ENPP6: variants seen among roughly 807,000 people sequenced by gnomAD.
The protein encoded by ENPP6 is ectonucleotide pyrophosphatase/phosphodiesterase 6, also known as glycerophosphocholine cholinephosphodiesterase ENPP6.
In ENPP6, 32 loss-of-function variants were observed where a neutral mutation model predicts 42.0. That is an observed-to-expected ratio of 0.76 (90% confidence interval 0.58 to 1.02). The LOEUF is 1.02. Among genes scored for constraint, ENPP6 ranks in the 50% least tolerant of loss-of-function variants. The pLI, the probability that ENPP6 is intolerant of heterozygous loss-of-function variation, is 0.00. For synonymous variants in ENPP6, 213 were observed against 216.0 expected (o/e 0.99, Z 0.12); for missense variants, 552 against 566.8 (o/e 0.97, Z 0.27).
At chr4:184,112,839 G>A (rs1378989539) in intron 5 of ENPP6, 30 bp from the exon 6 acceptor site, 7 of 1,604,576 alleles carry the variant, frequency 4.4e-6, no homozygotes, top group Non-Finnish European at 6.0e-6. Flanking sequence ...TGATCAGTTT[G>A]ACACTCTCTT....
chr4:184,102,625 G>T (rs1483983674), intron 6 of ENPP6, among the ~76,000 whole-genome samples: 1 of 152,234 alleles, frequency 6.6e-6, no homozygotes, highest in Non-Finnish European at 1.5e-5. Flanking sequence ...TGGCTGGAGG[G>T]TTGAAATCTG....
chr4:184,198,856 C>T (rs978892261), intron 1 of ENPP6, among the ~76,000 whole-genome samples: 9 of 152,188 alleles, frequency 5.9e-5, no homozygotes, highest in Non-Finnish European at 1.0e-4. Flanking sequence ...TCTTGTCTCT[C>T]ATCTGTCCAG....
At chr4:184,210,205 CATA>C (rs1733085236) in intron 1 of ENPP6, among the ~76,000 whole-genome samples, 1 of 148,924 alleles carries the variant, frequency 6.7e-6, no homozygotes, top group Non-Finnish European at 1.5e-5. Context: ...CAGCTAACAT[CATA>C]ATGACAGGAT....
intron 2 of ENPP6, among the ~76,000 whole-genome samples, chr4:184,131,463 C>T (rs1736632085): frequency 1.3e-5 from 2 of 151,142 alleles, no homozygotes; most frequent in African/African-American, 2.4e-5. Context: ...AGCGATTCTC[C>T]TGCCTTAGCC....
chr4:184,108,338 C>A (rs911695112), intron 6 of ENPP6, among the ~76,000 whole-genome samples: 1 of 152,232 alleles, frequency 6.6e-6, no homozygotes, highest in Non-Finnish European at 1.5e-5. Context: ...AACGTCATCG[C>A]ATGCACTGTG....
chr4:184,114,592 G>A (rs575342361), intron 5 of ENPP6, among the ~76,000 whole-genome samples: 17 of 152,156 alleles, frequency 1.1e-4, no homozygotes, highest in Non-Finnish European at 1.5e-4. Context: ...ACAAACTGTC[G>A]CCCAAACATG....
At chr4:184,126,633 G>A (rs1736507290) in intron 2 of ENPP6, among the ~76,000 whole-genome samples, 1 of 152,182 alleles carries the variant, frequency 6.6e-6, no homozygotes, top group African/African-American at 2.4e-5. Context: ...GCAGAAAGCT[G>A]TAGACAATGC....
At chr4:184,190,214 A>G (rs941563035) in intron 1 of ENPP6, among the ~76,000 whole-genome samples, 45 of 152,366 alleles carry the variant, frequency 3.0e-4, no homozygotes, top group Admixed American at 2.9e-3. Flanking sequence ...TGTTTAAACC[A>G]CCAGAGTACT....
chr4:184,113,939 CT>C (rs1289587224), intron 5 of ENPP6, among the ~76,000 whole-genome samples: 1 of 139,292 alleles, frequency 7.2e-6, no homozygotes. Context: ...TTCTTTCTTT[CT>C]TTCTTTCTTT....
At chr4:184,131,249 TTTC>T (rs1736621679) in intron 2 of ENPP6, among the ~76,000 whole-genome samples, 1 of 87,548 alleles carries the variant, frequency 1.1e-5, no homozygotes, top group South Asian at 4.1e-4. Flanking sequence ...TCTTTCTTTC[TTTC>T]TCTTTCTCTT....
At chr4:184,123,379 C>T (rs1324287669) in intron 3 of ENPP6, among the ~76,000 whole-genome samples, 1 of 152,082 alleles carries the variant, frequency 6.6e-6, no homozygotes. Context: ...GGTCCTGTCC[C>T]CAGCCTCTTT....
intron 2 of ENPP6, among the ~76,000 whole-genome samples, chr4:184,135,146 A>G (rs191336374): frequency 5.5e-4 from 83 of 152,272 alleles, no homozygotes; most frequent in Non-Finnish European, 8.8e-4. Flanking sequence ...TATTTCATGT[A>G]TACTTGAAAA....
chr4:184,115,775 C>T (rs1052080670), intron 5 of ENPP6, among the ~76,000 whole-genome samples: 2 of 152,176 alleles, frequency 1.3e-5, no homozygotes, highest in Non-Finnish European at 2.9e-5. Flanking sequence ...CTGCATACAG[C>T]CTCAGCTCCC....
At chr4:184,140,186 C>T (rs1208197450) in intron 2 of ENPP6, among the ~76,000 whole-genome samples, 1 of 151,898 alleles carries the variant, frequency 6.6e-6, no homozygotes, top group East Asian at 1.9e-4. Context: ...TTACAAGGGA[C>T]ATGAAGGACC....
chr4:184,203,211 A>G (rs1251293022), intron 1 of ENPP6, among the ~76,000 whole-genome samples: 1 of 152,264 alleles, frequency 6.6e-6, no homozygotes, highest in East Asian at 1.9e-4. Flanking sequence ...AGATCGTGCC[A>G]CTGCACTCCA....
At chr4:184,149,667 A>G (rs879458758) in intron 2 of ENPP6, among the ~76,000 whole-genome samples, 2 of 152,240 alleles carry the variant, frequency 1.3e-5, no homozygotes, top group Non-Finnish European at 2.9e-5. Context: ...ATAACATTGC[A>G]AAATGCATGG....
chr4:184,131,222 CTT>C (rs879391963), intron 2 of ENPP6, among the ~76,000 whole-genome samples: 2,061 of 79,720 alleles, frequency 0.026, 171 homozygotes, highest in Middle Eastern at 0.041. Flanking sequence ...CTTTCTTTTT[CTT>C]TCTTTCTTTC....
At chr4:184,094,566 C>A (rs1333459628) in intron 7 of ENPP6, among the ~76,000 whole-genome samples, 1 of 152,264 alleles carries the variant, frequency 6.6e-6, no homozygotes, top group African/African-American at 2.4e-5. Flanking sequence ...CCTGATCCAA[C>A]TGAGGACCCA....
chr4:184,116,791 C>T (rs535801994), intron 5 of ENPP6, 65 bp downstream of exon 5: 4 of 1,556,238 alleles, frequency 2.6e-6, no homozygotes, highest in African/African-American at 2.7e-5. Flanking sequence ...AAGGAAAAGA[C>T]AGTGCAGATG....
Sources: allele counts gnomAD v4.1 joint callset (sites outside exome capture counted in the v4.1 genomes callset), GRCh38; gene constraint gnomAD v4.1.1; transcripts MANE v1.5; gene names NCBI Gene and HGNC (gene_info 2026-07-23, HGNC 2026-07-21).